The following XIRP2 variants were observed in gnomAD, a reference collection of about 807,000 sequenced individuals.
XIRP2 encodes the protein xin actin-binding repeat-containing protein 2.
In XIRP2, 236 loss-of-function variants were observed where a neutral mutation model predicts 277.0. That is an observed-to-expected ratio of 0.85 (90% CI 0.77 to 0.95). The LOEUF (loss-of-function observed/expected upper bound fraction) is 0.95. Among genes scored for constraint, XIRP2 ranks in the 40% least tolerant of loss-of-function variants. XIRP2 has a pLI of 0.00. For synonymous variants in XIRP2, 1,490 were observed against 1,416.5 expected, an observed-to-expected ratio of 1.05 and a Z score of -1.17; for missense variants, 4,640 against 4,157.5, an observed-to-expected ratio of 1.12 and a Z score of -3.19.
chr2:167,161,723 G>A (rs780154574), intron 3 of XIRP2, among the ~76,000 whole-genome samples: 29 of 152,170 alleles, frequency 1.9e-4, no homozygotes, highest in Non-Finnish European at 5.9e-5. Flanking sequence ...GACATGTCTT[G>A]GAGACATTTT....
intron 2 of XIRP2, among the ~76,000 whole-genome samples, chr2:167,017,634 T>C (rs1687867514): frequency 6.6e-6 from 1 of 152,010 alleles, no homozygotes; most frequent in East Asian, 1.9e-4. Flanking sequence ...TTGTGAGTCA[T>C]GTTAAGTGAT....
chr2:167,102,035 T>C (rs755300283), intron 2 of XIRP2, among the ~76,000 whole-genome samples: 3 of 152,210 alleles, frequency 2.0e-5, no homozygotes, highest in Non-Finnish European at 4.4e-5. Flanking sequence ...AGAACTCATT[T>C]GAGCAAGATA....
chr2:167,031,555 C>T, intron 2 of XIRP2, among the ~76,000 whole-genome samples: 1 of 151,858 alleles, frequency 6.6e-6, no homozygotes, highest in South Asian at 2.1e-4. Context: ...TTTAGAAAAC[C>T]CCATGGTCCC....
At chr2:167,024,952 G>A (rs1367419526) in intron 2 of XIRP2, among the ~76,000 whole-genome samples, 3 of 152,132 alleles carry the variant, frequency 2.0e-5, no homozygotes, top group Admixed American at 1.3e-4. Context: ...TTGGTATCAG[G>A]ATGATGCTGG....
intron 3 of XIRP2, among the ~76,000 whole-genome samples, chr2:167,142,279 A>G (rs979719555): frequency 1.3e-5 from 2 of 152,128 alleles, no homozygotes; most frequent in African/African-American, 4.8e-5. Context: ...GCCGGGCACA[A>G]TGGCTCACGC....
intron 2 of XIRP2, among the ~76,000 whole-genome samples, chr2:166,947,794 C>T (rs1341591881): frequency 6.6e-6 from 1 of 152,118 alleles, no homozygotes; most frequent in African/African-American, 2.4e-5. Context: ...GTCCACACAG[C>T]AATCTGGACA....
At chr2:167,238,564 C>T (rs966289970) in intron 5 of XIRP2, among the ~76,000 whole-genome samples, 2 of 152,006 alleles carry the variant, frequency 1.3e-5, no homozygotes, top group African/African-American at 2.4e-5. Context: ...TAATTTTATA[C>T]CAATTATTAG....
intron 2 of XIRP2, among the ~76,000 whole-genome samples, chr2:166,984,921 C>A (rs2105438038): frequency 6.6e-6 from 1 of 152,270 alleles, no homozygotes; most frequent in Non-Finnish European, 1.5e-5. Context: ...TTTTTCAAAT[C>A]AGTTCCAACT....
chr2:167,008,573 G>A (rs1687568947), intron 2 of XIRP2, among the ~76,000 whole-genome samples: 1 of 151,578 alleles, frequency 6.6e-6, no homozygotes, highest in Admixed American at 6.6e-5. Flanking sequence ...TGAAATTGGA[G>A]GCAACAGTGG....
chr2:166,917,415 T>TA, intron 2 of XIRP2, among the ~76,000 whole-genome samples: 1 of 152,174 alleles, frequency 6.6e-6, no homozygotes, highest in East Asian at 1.9e-4. Flanking sequence ...AATTTGTTTT[T>TA]AAAAATAATG....
At chr2:166,916,302 T>C (rs1261945275) in intron 2 of XIRP2, among the ~76,000 whole-genome samples, 1 of 152,194 alleles carries the variant, frequency 6.6e-6, no homozygotes, top group East Asian at 1.9e-4. Context: ...TTAATTTATC[T>C]CTAATCTCAG....
At chr2:167,027,678 GT>G (rs1287791747) in intron 2 of XIRP2, among the ~76,000 whole-genome samples, 2 of 151,992 alleles carry the variant, frequency 1.3e-5, no homozygotes, top group Non-Finnish European at 2.9e-5. Flanking sequence ...GTACAGATGG[GT>G]TTTTGGTGTG....
chr2:167,216,138 G>T, intron 4 of XIRP2, among the ~76,000 whole-genome samples: 1 of 116,080 alleles, frequency 8.6e-6, no homozygotes, highest in African/African-American at 3.4e-5. Flanking sequence ...AATTCAAGAT[G>T]GATTAAAGAT....
rs1177065949 is a variant in XIRP2 at position 167,258,782 on chromosome 2, G to T, written c.*965G>T. On this transcript the variant is annotated 3_prime_UTR_variant, in exon 11 of 11. Transcript: ENST00000409195. ...GAGTGAAGCAAATGACACTGCAAAT[G>T]AATATGAAATTGAGAAGTTAGAAAA... The T allele has an allele frequency of 1.9e-6, 3 of 1,613,178 alleles. No homozygotes were observed. Among genetic ancestry groups the T allele is most frequent in the African/African-American group, 2.7e-5 (2 of 74,856 alleles).
intron 2 of XIRP2, among the ~76,000 whole-genome samples, chr2:167,103,094 G>T (rs934394439): frequency 4.6e-5 from 7 of 151,912 alleles, no homozygotes; most frequent in African/African-American, 1.5e-4. Flanking sequence ...AGTTCAGATC[G>T]CGCCACTACA....
At chr2:167,093,471 C>T (rs370491192) in intron 2 of XIRP2, among the ~76,000 whole-genome samples, 3 of 151,972 alleles carry the variant, frequency 2.0e-5, no homozygotes, top group African/African-American at 7.3e-5. Flanking sequence ...TCCCTTTGCC[C>T]CCAACTCCCC....
intron 2 of XIRP2, among the ~76,000 whole-genome samples, chr2:166,951,417 A>C (rs1164837254): frequency 6.6e-6 from 1 of 151,760 alleles, no homozygotes; most frequent in Non-Finnish European, 1.5e-5. Context: ...AGGGAGAGAG[A>C]GAGTTGGGAC....
At chr2:166,912,791 A>C (rs1684747455) in intron 2 of XIRP2, among the ~76,000 whole-genome samples, 1 of 152,104 alleles carries the variant, frequency 6.6e-6, no homozygotes, top group Non-Finnish European at 1.5e-5. Flanking sequence ...TTTGGTGTGG[A>C]TGTCCTTTCT....
chr2:167,106,727 G>T (rs907164046), intron 2 of XIRP2, among the ~76,000 whole-genome samples: 4 of 151,308 alleles, frequency 2.6e-5, no homozygotes, highest in African/African-American at 4.8e-5. Context: ...AAAAAGTCTT[G>T]CTCTTTTATA....
Sources: gnomAD v4.1 joint callset for allele counts (sites outside exome capture counted in the v4.1 genomes callset) on GRCh38, gnomAD v4.1.1 for gene constraint, MANE v1.5 for transcripts, NCBI Gene and HGNC (gene_info 2026-07-23, HGNC 2026-07-21) for gene names.